The following TENM4 variants were observed in gnomAD, a reference collection of about 807,000 sequenced individuals.
The protein encoded by TENM4 is teneurin-4.
TENM4 carries 82 observed loss-of-function variants against 243.3 expected under a neutral mutation model. That is an observed-to-expected ratio of 0.34 (90% CI 0.28 to 0.40). The LOEUF (loss-of-function observed/expected upper bound fraction) is 0.40. Ranked by LOEUF, TENM4 falls within the 10% of genes least tolerant of loss-of-function variation. The probability of loss-of-function intolerance (pLI) is 1.00; values close to 1 mark genes in which losing one functional copy is unlikely to be tolerated. For missense variants in TENM4, 3,138 were observed against 3,673.3 expected, an observed-to-expected ratio of 0.85 and a Z score of 3.77; for synonymous variants, 1,412 against 1,456.3, an observed-to-expected ratio of 0.97 and a Z score of 0.69.
chr11:79,350,606 T>TC lies in TENM4; in HGVS notation c.-320-53064_-320-53063insG. Among the ~76,000 whole-genome samples, 3 of 149,714 alleles carry TC rather than the reference T, an allele frequency of 2.0e-5. No individual in the cohort carries two copies. The South Asian group carries it at 6.4e-4, about 32-fold the overall frequency. On this transcript the variant is annotated intron_variant, in intron 1 of 33. Transcript: ENST00000278550. ...CACCATACCTGGCTAATTTTTTCTT[T>TC]TTTTTTTTCCTTGGTAGAGATGGGG...
chr11:78,827,525 T>G (rs544573870), intron 12 of TENM4, among the ~76,000 whole-genome samples: 2 of 151,456 alleles, frequency 1.3e-5, no homozygotes, highest in South Asian at 4.2e-4. Context: ...GTTTTGCTCT[T>G]GTTGGCCAGG....
chr11:79,111,656 A>G (rs751954755), intron 4 of TENM4, among the ~76,000 whole-genome samples: 2 of 152,320 alleles, frequency 1.3e-5, no homozygotes, highest in South Asian at 2.1e-4. Flanking sequence ...ACAAACTGAT[A>G]TACTCCTTAA....
intron 1 of TENM4, among the ~76,000 whole-genome samples, chr11:79,405,835 G>A (rs1462205203): frequency 1.5e-5 from 2 of 131,154 alleles, no homozygotes; most frequent in South Asian, 2.5e-4. Context: ...TTCTCTGAAT[G>A]CATTGTGATT....
chr11:78,709,161 A>C (rs1859340382), intron 26 of TENM4, among the ~76,000 whole-genome samples: 1 of 133,026 alleles, frequency 7.5e-6, no homozygotes, highest in African/African-American at 3.1e-5. Flanking sequence ...TTTAGTAGAG[A>C]TGAGATTTCA....
At chr11:78,886,467 T>C (rs1855551900) in intron 9 of TENM4, among the ~76,000 whole-genome samples, 1 of 152,224 alleles carries the variant, frequency 6.6e-6, no homozygotes, top group South Asian at 2.1e-4. Context: ...CCCCCTAGCT[T>C]GTGAAGCAAG....
chr11:79,310,406 G>GA (rs1856699343), intron 1 of TENM4, among the ~76,000 whole-genome samples: 1 of 152,204 alleles, frequency 6.6e-6, no homozygotes, highest in Non-Finnish European at 1.5e-5. Context: ...TGTGAATAAA[G>GA]GAGAGCAGCA....
intron 4 of TENM4, among the ~76,000 whole-genome samples, chr11:79,129,093 T>A (rs1238821544): frequency 6.6e-6 from 1 of 152,140 alleles, no homozygotes; most frequent in Non-Finnish European, 1.5e-5. Flanking sequence ...CCTGAACACA[T>A]ACCCCCACTG....
rs769183456 is a variant in TENM4 at position 78,669,632 on chromosome 11, C to T, written c.6713G>A (p.Arg2238Gln). 20 of 1,613,800 alleles carry T rather than the reference C, an allele frequency of 1.2e-5. No individual in the cohort carries two copies. Among genetic ancestry groups the T allele is most frequent in the Middle Eastern group, 1.6e-4 (1 of 6,084 alleles). The part of the protein sequence containing the change: ...PGNSARLTPL[R>Q]YDIRDRITRL... ...AGTGATGCGGTCGCGGATGTCATACCGTAGTGGTGTGAGCCGTGCACTGTT... is the reference window on the plus strand; with the variant it reads ...AGTGATGCGGTCGCGGATGTCATACTGTAGTGGTGTGAGCCGTGCACTGTT... Residue 2238 changes from arginine to glutamine, a missense_variant, in exon 32 of 34, where the codon CGG (arginine) becomes CAG (glutamine). Arg to Gln is a conservative substitution (Grantham distance 43). Coordinates refer to ENST00000278550, the MANE Select transcript of TENM4 (RefSeq NM_001098816.3). The surrounding 1 kb of genome is among the most constrained non-coding windows in gnomAD (Gnocchi z 6.4).
chr11:79,229,434 A>G (rs1042761293), intron 2 of TENM4, among the ~76,000 whole-genome samples: 2 of 152,160 alleles, frequency 1.3e-5, no homozygotes, highest in Non-Finnish European at 1.5e-5. Context: ...TTTCATGTCT[A>G]TACTTTTGCT....
At chr11:79,100,879 G>C (rs1321238157) in intron 4 of TENM4, among the ~76,000 whole-genome samples, 1 of 152,170 alleles carries the variant, frequency 6.6e-6, no homozygotes, top group Non-Finnish European at 1.5e-5. Context: ...GAGTCTGCCT[G>C]TGTCCTCTGT....
At chr11:79,138,354 T>A (rs1159470378) in intron 4 of TENM4, among the ~76,000 whole-genome samples, 1 of 124,218 alleles carries the variant, frequency 8.1e-6, no homozygotes, top group Admixed American at 1.0e-4. Context: ...TATAAAAATA[T>A]ATAATATATA....
chr11:79,082,305 C>G (rs904095804), intron 4 of TENM4, among the ~76,000 whole-genome samples: 1 of 152,156 alleles, frequency 6.6e-6, no homozygotes, highest in East Asian at 1.9e-4. Context: ...CTCCCTCGGC[C>G]CCACACAAGC....
intron 6 of TENM4, among the ~76,000 whole-genome samples, chr11:79,053,359 G>A (rs1226910505): frequency 6.6e-6 from 1 of 152,184 alleles, no homozygotes; most frequent in Non-Finnish European, 1.5e-5. Flanking sequence ...TAGATGTCAT[G>A]TCTGTTCTTA....
intron 3 of TENM4, among the ~76,000 whole-genome samples, chr11:79,180,505 G>T (rs1863259928): frequency 6.6e-6 from 1 of 151,730 alleles, no homozygotes; most frequent in African/African-American, 2.4e-5. Context: ...ATCTCTCTAA[G>T]CATCAGCGTT....
chr11:78,977,314 T>C lies in TENM4; in HGVS notation c.494-73791A>G, dbSNP rs754326401. On this transcript the variant is annotated intron_variant, in intron 6 of 33. Transcript: ENST00000278550. The stretch of plus-strand genomic sequence containing the variant: ...CAACACTGTTTTCACATATGGTCAC[T>C]GTCTGAGGTACTGGAGATTAGGACT... Among the ~76,000 whole-genome samples the C allele has an allele frequency of 3.9e-4, 59 of 152,364 alleles. 1 individual carries two copies. Among genetic ancestry groups the C allele is most frequent in the South Asian group, 6.2e-4 (3 of 4,830 alleles).
At chr11:79,304,053 G>A (rs1238561729) in intron 1 of TENM4, among the ~76,000 whole-genome samples, 15 of 152,196 alleles carry the variant, frequency 9.9e-5, no homozygotes, top group Admixed American at 9.2e-4. Flanking sequence ...TGGGAAAAGG[G>A]TTGGAAGAAG....
intron 2 of TENM4, among the ~76,000 whole-genome samples, chr11:79,220,725 A>G (rs892280253): frequency 2.0e-5 from 3 of 152,160 alleles, no homozygotes; most frequent in African/African-American, 4.8e-5. Flanking sequence ...TCATCTTTAC[A>G]ACTTTCTTTT....
chr11:78,844,811 T>C lies in TENM4; in HGVS notation c.1681+9293A>G, dbSNP rs527951103. Among the ~76,000 whole-genome samples, 18 of 152,282 alleles carry C rather than the reference T, an allele frequency of 1.2e-4. 1 individual carries two copies. The highest frequency in any genetic ancestry group is 9.2e-4 in the Admixed American group (14 of 15,300). On this transcript the variant is annotated intron_variant, in intron 12 of 33. Transcript: ENST00000278550. ...GTACCTTGATCTTGGATGTGCAGTGTTCAGAACTGTGAGAAATAAATTTCT... is the reference window on the plus strand; with the variant it reads ...GTACCTTGATCTTGGATGTGCAGTGCTCAGAACTGTGAGAAATAAATTTCT...
intron 6 of TENM4, among the ~76,000 whole-genome samples, chr11:79,062,697 A>C (rs1186985326): frequency 6.6e-6 from 1 of 152,182 alleles, no homozygotes; most frequent in African/African-American, 2.4e-5. Flanking sequence ...ATAGATGAGG[A>C]AACTGAGGTC....
Sources: allele counts gnomAD v4.1 joint callset (sites outside exome capture counted in the v4.1 genomes callset), GRCh38; gene constraint gnomAD v4.1.1; non-coding constraint Gnocchi (gnomAD v3.1); transcripts MANE v1.5; gene names NCBI Gene and HGNC (gene_info 2026-07-23, HGNC 2026-07-21).